Variants in KIN observed in about 807,000 individuals in gnomAD.
KIN encodes the protein DNA/RNA-binding protein KIN17.
A neutral mutation model predicts 63.0 loss-of-function variants in KIN; 47 were observed. The ratio of observed to expected loss-of-function variants is 0.75; its 90% confidence interval spans 0.59 to 0.95. KIN has a LOEUF of 0.95. KIN is among the 40% of genes least tolerant of loss of function. The pLI is 0.00. For synonymous variants in KIN, 160 were observed against 157.7 expected (o/e 1.01, Z -0.11); for missense variants, 408 against 460.9 (o/e 0.89, Z 1.05).
chr10:7,763,815 T>C (rs776388085), intron 9 of KIN, 24 bp from the exon 10 acceptor site: 1 of 1,128,596 alleles, frequency 8.9e-7, no homozygotes, highest in Non-Finnish European at 1.3e-6. Flanking sequence ...ACAAAAAAAA[T>C]GAAAGGAAAG....
intron 5 of KIN, among the ~76,000 whole-genome samples, chr10:7,778,281 T>C (rs936654924): frequency 1.3e-5 from 2 of 152,186 alleles, no homozygotes; most frequent in African/African-American, 4.8e-5. Flanking sequence ...TATTTAGATA[T>C]AAGGAAATTG....
intron 1 of KIN, 100 bp from the exon 2 acceptor site, chr10:7,783,275 A>G (rs1835934648): frequency 3.9e-6 from 2 of 507,728 alleles, no homozygotes; most frequent in African/African-American, 4.0e-5. Context: ...CTCTTTGATG[A>G]TAAATTAAAA....
At chr10:7,759,725 T>A (rs747629256) in intron 12 of KIN, 165 bp downstream of exon 12, 1 of 446,144 alleles carries the variant, frequency 2.2e-6, no homozygotes, top group East Asian at 3.7e-5. Context: ...TAAAATACTT[T>A]AGCAATGGCA....
At chr10:7,760,849 A>G (rs1202077048) in intron 11 of KIN, among the ~76,000 whole-genome samples, 1 of 152,238 alleles carries the variant, frequency 6.6e-6, no homozygotes, top group African/African-American at 2.4e-5. Flanking sequence ...TTAAGGGGGA[A>G]TACTGCATAT....
At chr10:7,756,437 C>T (rs1387445167) in intron 12 of KIN, among the ~76,000 whole-genome samples, 2 of 152,196 alleles carry the variant, frequency 1.3e-5, no homozygotes, top group Non-Finnish European at 2.9e-5. Context: ...AGTTTCCTGG[C>T]TCCCTTGTGG....
At position 7,751,907 on chromosome 10, in the gene KIN, C is replaced by G. The variant is rs374133094; in HGVS notation, c.*4173G>C. The G allele has an allele frequency of 9.7e-4, 2 of 2,070 alleles. 1 individual carries two copies. The highest frequency in any genetic ancestry group is 2.0e-3 in the Non-Finnish European group (2 of 994). The allele number at this position is 2,070 out of a possible 1,614,324, so 0.1% of individuals were successfully genotyped here. On this transcript the variant is annotated 3_prime_UTR_variant, in exon 13 of 13. Coordinates refer to ENST00000379562, the MANE Select transcript of KIN (RefSeq NM_012311.4). The stretch of plus-strand genomic sequence containing the variant: ...AAAATTAGCCGGGCGCGGTGGCGGG[C>G]GCCTGTAGTCCCAGCTACTCGGGAG...
At chr10:7,764,255 T>C (rs1226976365) in intron 9 of KIN, among the ~76,000 whole-genome samples, 1 of 152,224 alleles carries the variant, frequency 6.6e-6, no homozygotes, top group African/African-American at 2.4e-5. Context: ...GTTCTCACTA[T>C]GCCCCTTTCT....
At chr10:7,768,393 A>G (rs1324483132) in intron 8 of KIN, among the ~76,000 whole-genome samples, 1 of 151,904 alleles carries the variant, frequency 6.6e-6, no homozygotes, top group Non-Finnish European at 1.5e-5. Flanking sequence ...GGTGGCACAC[A>G]TTTGCAATCC....
chr10:7,759,811 A>C lies in KIN; in HGVS notation c.1119+79T>G, dbSNP rs758304875. ...AACAAAAAACTCAAATTCTAAAATA[A>C]AGAACAATCCAATTAAAAAAAACTA... On this transcript the variant is annotated intron_variant, in intron 12 of 12. Coordinates refer to ENST00000379562, the MANE Select transcript of KIN (RefSeq NM_012311.4). 1.3e-5 allele frequency: 10 copies of C among 751,300 alleles called. No homozygotes were observed. In the Admixed American group the frequency reaches 2.5e-4, roughly 19 times the overall value. The allele number at this position is 751,300 out of a possible 1,614,324, so 46.5% of individuals were successfully genotyped here.
At chr10:7,758,934 GAAAA>G (rs368961991) in intron 12 of KIN, among the ~76,000 whole-genome samples, 2 of 137,886 alleles carry the variant, frequency 1.5e-5, no homozygotes, top group Non-Finnish European at 3.2e-5. Context: ...GGATCAGAAA[GAAAA>G]AAAAAAAGGA....
At position 7,763,905 on chromosome 10, in the gene KIN, C is replaced by T. The variant is rs115226938; in HGVS notation, c.850-114G>A. 4.9e-3 allele frequency: 2,783 copies of T among 564,426 alleles called. 69 individuals carry two copies. In the African/African-American group the frequency reaches 0.05, roughly 10 times the overall value. 35.0% of individuals were successfully genotyped at this position (564,426 alleles called of 1,614,324 possible). A position where few individuals can be genotyped will look rare whatever the true frequency, so the allele number is the denominator to read the frequency against. On this transcript the variant is annotated intron_variant, in intron 9 of 12. Transcript: ENST00000379562. The stretch of plus-strand genomic sequence containing the variant: ...ACCACAGGAAAATGTAACTGCCCTG[C>T]CAAATAAGAAATGCTGGAGTTCTCT...
chr10:7,778,606 G>A (rs1005601374), intron 5 of KIN, among the ~76,000 whole-genome samples: 1 of 152,154 alleles, frequency 6.6e-6, no homozygotes, highest in Non-Finnish European at 1.5e-5. Flanking sequence ...GGGCGTGGTG[G>A]CGGGCGCCTG....
At chr10:7,759,408 G>A (rs1345319919) in intron 12 of KIN, among the ~76,000 whole-genome samples, 1 of 151,912 alleles carries the variant, frequency 6.6e-6, no homozygotes, top group African/African-American at 2.4e-5. Flanking sequence ...TATGAAAAAA[G>A]GGGAGACATT....
At chr10:7,782,033 G>A (rs1433238098) in intron 2 of KIN, among the ~76,000 whole-genome samples, 1 of 152,088 alleles carries the variant, frequency 6.6e-6, no homozygotes, top group Non-Finnish European at 1.5e-5. Flanking sequence ...ACTCCAGCCT[G>A]GGCAACAAGA....
rs373801480 is a variant in KIN, at chr10:7,763,704, C to A, written c.918+19G>T. The stretch of plus-strand genomic sequence containing the variant: ...CCAAGCTTTTTTCACAAATTCCATT[C>A]ATAATTGCACGTCCTTACCTTAACA... On this transcript the variant is annotated intron_variant, in intron 10 of 12. Transcript: ENST00000379562. 2 of 1,374,478 alleles carry A rather than the reference C, an allele frequency of 1.5e-6. No homozygotes were observed. The highest frequency in any genetic ancestry group is 2.9e-5 in the African/African-American group (2 of 68,162). The allele number at this position is 1,374,478 out of a possible 1,614,324, so 85.1% of individuals were successfully genotyped here. A position where few individuals can be genotyped will look rare whatever the true frequency, so the allele number is the denominator to read the frequency against.
At chr10:7,763,851 T>A in intron 9 of KIN, 60 bp from the exon 10 acceptor site, 1 of 840,396 alleles carries the variant, frequency 1.2e-6, no homozygotes, top group South Asian at 1.5e-5. Flanking sequence ...TGTCATTTAC[T>A]TCTTCCTTTT....
rs927737999 is a variant in KIN at position 7,766,626 on chromosome 10, T to G, written c.799-523A>C. ...AAGAAAAGAGAGCTGTGGGGCTGTA[T>G]GGCGAAAATATCGAATCTTTTTCTT... On this transcript the variant is annotated intron_variant, in intron 8 of 12. Coordinates refer to ENST00000379562, the MANE Select transcript of KIN (RefSeq NM_012311.4). Among the ~76,000 whole-genome samples the G allele has an allele frequency of 9.2e-5, 14 of 152,070 alleles. No homozygotes were observed. The East Asian group carries it at 1.3e-3, about 15-fold the overall frequency.
rs578097333 is a variant in KIN at position 7,773,751 on chromosome 10, A to G, written c.668+1080T>C. ...CTTAGATCTTAAAAAAACAACATGT[A>G]AAGTACTAAGTAAAATAGAAAATAT... On this transcript the variant is annotated intron_variant, in intron 7 of 12. Coordinates refer to ENST00000379562, the MANE Select transcript of KIN (RefSeq NM_012311.4). 5.9e-5 allele frequency among the ~76,000 whole-genome samples: 9 copies of G among 152,344 alleles called. 1 individual carries two copies. The South Asian group carries it at 1.9e-3, about 32-fold the overall frequency.
chr10:7,763,672 C>T (rs1254651288), intron 10 of KIN, 51 bp downstream of exon 10: 3 of 984,584 alleles, frequency 3.0e-6, no homozygotes, highest in East Asian at 2.6e-5. Context: ...TAGCTTCACT[C>T]AGTGACCCAA....
Sources: allele counts gnomAD v4.1 joint callset (sites outside exome capture counted in the v4.1 genomes callset), GRCh38; gene constraint gnomAD v4.1.1; transcripts MANE v1.5; gene names NCBI Gene and HGNC (gene_info 2026-07-23, HGNC 2026-07-21).